The following SATB1 variants were observed in gnomAD, a reference collection of about 807,000 sequenced individuals.
SATB1 encodes the protein SATB homeobox 1, also known as DNA-binding protein SATB1.
In SATB1, 11 loss-of-function variants were observed where a neutral mutation model predicts 86.9. The observed-to-expected ratio is 0.13, with a 90% confidence interval of 0.08 to 0.21. SATB1 has a LOEUF of 0.21. Ranked by LOEUF, SATB1 falls within the 10% of genes least tolerant of loss-of-function variation. The probability of loss-of-function intolerance (pLI) is 1.00; values close to 1 mark genes in which losing one functional copy is unlikely to be tolerated. For missense variants in SATB1, 551 were observed against 937.6 expected, an observed-to-expected ratio of 0.59 and a Z score of 5.39; for synonymous variants, 357 against 357.2, an observed-to-expected ratio of 1.00 and a Z score of 0.01.
chr3:18,356,633 A>G (rs1251395707), intron 9 of SATB1, among the ~76,000 whole-genome samples: 1 of 151,874 alleles, frequency 6.6e-6, no homozygotes, highest in African/African-American at 2.4e-5. Flanking sequence ...CCACATTTAA[A>G]TAAAAATCCT....
intron 10 of SATB1, chr3:18,351,085 A>T: frequency 1.9e-6 from 1 of 532,068 alleles, no homozygotes; most frequent in South Asian, 2.0e-5. Flanking sequence ...CTGATCCCAG[A>T]ACTTTTCCAT....
chr3:18,348,670 TA>T lies in SATB1; in HGVS notation c.*499del, dbSNP rs1378509429. 1 of 153,056 alleles carries T rather than the reference TA, an allele frequency of 6.5e-6. No homozygotes were observed. Among genetic ancestry groups the T allele is most frequent in the Non-Finnish European group, 1.5e-5 (1 of 68,442 alleles). 9.5% of individuals were successfully genotyped at this position (153,056 alleles called of 1,614,324 possible). A position where few individuals can be genotyped will look rare whatever the true frequency, so the allele number is the denominator to read the frequency against. ...GGCATTTGTTGGCATATGTCATCTT[TA>T]AACTGCATTCCACAGTCTATAGTTC... On this transcript the variant is annotated 3_prime_UTR_variant, in exon 11 of 11. Transcript: ENST00000338745.
At chr3:18,391,666 T>TG (rs1696682642) in intron 7 of SATB1, among the ~76,000 whole-genome samples, 1 of 151,926 alleles carries the variant, frequency 6.6e-6, no homozygotes. Context: ...GAGTTGGAAC[T>TG]GCACATTGTA....
intron 2 of SATB1, among the ~76,000 whole-genome samples, chr3:18,430,677 G>A (rs1048577919): frequency 1.3e-5 from 2 of 152,192 alleles, no homozygotes; most frequent in Non-Finnish European, 2.9e-5. Flanking sequence ...TGTTGCAGGC[G>A]AGTTAAAGGA....
At chr3:18,412,715 A>C (rs1308175406) in intron 5 of SATB1, among the ~76,000 whole-genome samples, 1 of 152,058 alleles carries the variant, frequency 6.6e-6, no homozygotes, top group Non-Finnish European at 1.5e-5. Context: ...AACCATAGGA[A>C]AAAGAGTAGT....
chr3:18,432,506 CCAT>C (rs2125196694), intron 2 of SATB1, among the ~76,000 whole-genome samples: 2 of 152,232 alleles, frequency 1.3e-5, no homozygotes, highest in Middle Eastern at 3.4e-3. Context: ...ATGCCCACCA[CCAT>C]AAGGCACTGG....
At position 18,415,142 on chromosome 3, in the gene SATB1, C is replaced by T; in HGVS notation, c.608G>A (p.Ser203Asn). 6.2e-7 allele frequency: 1 copy of T among 1,613,056 alleles called. No homozygotes were observed. Among genetic ancestry groups the T allele is most frequent in the Non-Finnish European group, 8.5e-7 (1 of 1,179,262 alleles). The change falls in exon 5 of 11, where the codon AGT becomes AAT. Residue 203 changes from serine to asparagine, a missense_variant. Physicochemically the swap from Ser to Asn is conservative, Grantham distance 46. Coordinates refer to ENST00000338745, the MANE Select transcript of SATB1 (RefSeq NM_002971.6). ...AAGGGGGCACTCCTTGGCCAATGAACTCTGATTCATATCTTTCAGTAAGTC... is the reference window on the plus strand; with the variant it reads ...AAGGGGGCACTCCTTGGCCAATGAATTCTGATTCATATCTTTCAGTAAGTC... ...LKDLLKDMNQ[S>N]SLAKECPLSQ...
At chr3:18,425,723 GGGA>G (rs1171257276), upstream of SATB1, among the ~76,000 whole-genome samples, 4 of 151,732 alleles carry the variant, frequency 2.6e-5, no homozygotes, top group Non-Finnish European at 2.9e-5. Context: ...GGGCGCAGAG[GGGA>G]GGAGGAGAGG....
chr3:18,400,595 GAA>G (rs1206710450), intron 5 of SATB1, among the ~76,000 whole-genome samples: 1 of 152,152 alleles, frequency 6.6e-6, no homozygotes, highest in African/African-American at 2.4e-5. Flanking sequence ...ATAATGACTT[GAA>G]GAGACATATT....
In SATB1 at chr3:18,386,124, G is replaced by A. The variant is rs1209754698; in HGVS notation, c.1419+275C>T. On this transcript the variant is annotated intron_variant, in intron 8 of 10. Coordinates refer to ENST00000338745, the MANE Select transcript of SATB1 (RefSeq NM_002971.6). The surrounding 1 kb of genome is among the most constrained non-coding windows in gnomAD (Gnocchi z 4.5). ...TAAAATACTTTACTTAATAACAACA[G>A]TAGAGACAAATATCCCATTTAAAGA... is the stretch of plus-strand genomic sequence containing the variant. Among the ~76,000 whole-genome samples, 1 of 152,038 alleles carries A rather than the reference G, an allele frequency of 6.6e-6. No individual in the cohort carries two copies. Among genetic ancestry groups the A allele is most frequent in the African/African-American group, 2.4e-5 (1 of 41,384 alleles).
intron 9 of SATB1, among the ~76,000 whole-genome samples, chr3:18,377,406 G>C (rs905383692): frequency 6.6e-6 from 1 of 152,112 alleles, no homozygotes; most frequent in Non-Finnish European, 1.5e-5. Flanking sequence ...TTGGAGAAGG[G>C]TTTATAGATA....
intron 8 of SATB1, among the ~76,000 whole-genome samples, chr3:18,384,770 T>C (rs1220546644): frequency 2.6e-5 from 4 of 152,152 alleles, no homozygotes; most frequent in Non-Finnish European, 5.9e-5. Flanking sequence ...ACATAAAGAG[T>C]TCCTCATTCT....
Position 18,444,505 on chromosome 3 carries a change from T to A in SATB1, c.-25+1013A>T, listed in dbSNP as rs1375580574. The A allele has an allele frequency of 2.4e-6, 2 of 840,952 alleles. No homozygotes were observed. The highest frequency in any genetic ancestry group is 2.8e-6 in the Non-Finnish European group (2 of 701,900). 52.1% of individuals were successfully genotyped at this position (840,952 alleles called of 1,614,324 possible). The stretch of plus-strand genomic sequence containing the variant: ...AGCCGCCCCAATAGGGGACGAGGAG[T>A]GGGTGCTACGGAGAAGTTTGGATTG... On this transcript the variant is annotated intron_variant, in intron 1 of 3. Transcript: ENST00000415069. This position sits in a 1 kb window ranked among gnomAD's most constrained non-coding sequence, Gnocchi z 5.1.
At chr3:18,372,622 ATACT>A (rs2125173575) in intron 9 of SATB1, among the ~76,000 whole-genome samples, 1 of 152,306 alleles carries the variant, frequency 6.6e-6, no homozygotes, top group Non-Finnish European at 1.5e-5. Context: ...TAAAACAAAC[ATACT>A]TATTTTTAGG....
At chr3:18,378,097 T>C (rs1040187393) in intron 9 of SATB1, 73 bp downstream of exon 9, 28 of 1,303,156 alleles carry the variant, frequency 2.1e-5, no homozygotes, top group Non-Finnish European at 2.9e-5. Context: ...ATACTGAAAA[T>C]AGACACTCCT....
At chr3:18,364,549 A>G (rs1040786860) in intron 9 of SATB1, among the ~76,000 whole-genome samples, 2 of 152,110 alleles carry the variant, frequency 1.3e-5, no homozygotes. Flanking sequence ...GTCAACTTTC[A>G]GTAAGAAGAG....
At position 18,416,179 on chromosome 3, in the gene SATB1, A is replaced by G. The variant is rs376180171; in HGVS notation, c.389-46T>C. 19 of 1,492,648 alleles carry G rather than the reference A, an allele frequency of 1.3e-5. No individual in the cohort carries two copies. The African/African-American group carries it at 2.0e-4, about 15-fold the overall frequency. 92.5% of individuals were successfully genotyped at this position (1,492,648 alleles called of 1,614,324 possible). A position where few individuals can be genotyped will look rare whatever the true frequency, so the allele number is the denominator to read the frequency against. ...ATGTCACTAAATATTTTACCCTCAG[A>G]TAATATATCTACTAGAAGGGTGTTC... On this transcript the variant is annotated intron_variant, in intron 3 of 10. Transcript: ENST00000338745.
In SATB1 at chr3:18,349,018, T is replaced by C; in HGVS notation, c.*152A>G. ...GGAAAACATTTAGTGCAGTCTGTAT[T>C]ATCCTTTTCCAACTTTTCTGTTTGT... On this transcript the variant is annotated 3_prime_UTR_variant, in exon 11 of 11. Coordinates refer to ENST00000338745, the MANE Select transcript of SATB1 (RefSeq NM_002971.6). This position sits in a 1 kb window ranked among gnomAD's most constrained non-coding sequence, Gnocchi z 5.5. The C allele has an allele frequency of 7.7e-7, 1 of 1,306,626 alleles. No individual in the cohort carries two copies. The highest frequency in any genetic ancestry group is 1.0e-6 in the Non-Finnish European group (1 of 974,138). 80.9% of individuals were successfully genotyped at this position (1,306,626 alleles called of 1,614,324 possible). A position where few individuals can be genotyped will look rare whatever the true frequency, so the allele number is the denominator to read the frequency against.
intron 5 of SATB1, among the ~76,000 whole-genome samples, chr3:18,411,369 C>T (rs1697833715): frequency 1.3e-5 from 2 of 151,988 alleles, no homozygotes; most frequent in Admixed American, 6.6e-5. Context: ...AAATATTTGA[C>T]CTAAACATTT....
Sources: allele counts gnomAD v4.1 joint callset (sites outside exome capture counted in the v4.1 genomes callset), GRCh38; gene constraint gnomAD v4.1.1; non-coding constraint Gnocchi (gnomAD v3.1); transcripts MANE v1.5; gene names NCBI Gene and HGNC (gene_info 2026-07-23, HGNC 2026-07-21).